Variants in SEPTIN7 observed in about 807,000 individuals in gnomAD.
SEPTIN7 encodes septin-7.
A neutral mutation model predicts 63.3 loss-of-function variants in SEPTIN7; 10 were observed. That is an observed-to-expected ratio of 0.16 (90% CI 0.10 to 0.27). The LOEUF (loss-of-function observed/expected upper bound fraction) is 0.27, where lower values mean the gene tolerates loss of function less well. Among genes scored for constraint, SEPTIN7 ranks in the 10% least tolerant of loss-of-function variants. The pLI is 1.00. For synonymous variants in SEPTIN7, 131 were observed against 165.3 expected (o/e 0.79, Z 1.59); for missense variants, 310 against 521.0 (o/e 0.59, Z 3.94).
chr7:35,850,543 A>G (rs1271430366), intron 3 of SEPTIN7, among the ~76,000 whole-genome samples: 2 of 152,212 alleles, frequency 1.3e-5, no homozygotes, highest in East Asian at 3.8e-4. Context: ...CAATTGCTAT[A>G]AAATGGTAAA....
At chr7:35,888,823 C>CAAA (rs70974780) in intron 10 of SEPTIN7, 3,481 of 186,832 alleles carry the variant, frequency 0.019, no homozygotes, top group South Asian at 0.033. Flanking sequence ...GACCCTGTAT[C>CAAA]AAAAAAAAAA....
intron 1 of SEPTIN7, among the ~76,000 whole-genome samples, chr7:35,828,836 C>CT (rs1217714472): frequency 6.6e-6 from 1 of 152,134 alleles, no homozygotes; most frequent in African/African-American, 2.4e-5. Flanking sequence ...TCACAGCTCA[C>CT]TGAAGCCTCA....
At chr7:35,813,728 A>G (rs1788880879) in intron 1 of SEPTIN7, among the ~76,000 whole-genome samples, 1 of 152,112 alleles carries the variant, frequency 6.6e-6, no homozygotes, top group Admixed American at 6.5e-5. Context: ...TTGAAGTCCT[A>G]TCATCTGTTA....
At chr7:35,869,829 T>C (rs1420299676) in intron 4 of SEPTIN7, among the ~76,000 whole-genome samples, 1 of 152,216 alleles carries the variant, frequency 6.6e-6, no homozygotes, top group African/African-American at 2.4e-5. Flanking sequence ...TTTAGTTTTA[T>C]TTATTTTTCA....
chr7:35,890,139 A>T (rs1787544720), intron 10 of SEPTIN7, among the ~76,000 whole-genome samples: 1 of 152,220 alleles, frequency 6.6e-6, no homozygotes, highest in Non-Finnish European at 1.5e-5. Flanking sequence ...GTAAGCAAAA[A>T]TTTGTTTAAC....
chr7:35,888,778 C>T (rs113593466), intron 10 of SEPTIN7: 1 of 276,926 alleles, frequency 3.6e-6, no homozygotes, highest in Non-Finnish European at 7.1e-6. Context: ...TGAGATCGTA[C>T]CACTGCATTC....
At chr7:35,817,233 T>C (rs182816931) in intron 1 of SEPTIN7, among the ~76,000 whole-genome samples, 1 of 152,178 alleles carries the variant, frequency 6.6e-6, no homozygotes, top group Admixed American at 6.5e-5. Flanking sequence ...TTTTTGTGTA[T>C]GGCGTGAGAT....
intron 1 of SEPTIN7, among the ~76,000 whole-genome samples, chr7:35,828,354 C>T (rs1312377607): frequency 1.3e-5 from 2 of 152,136 alleles, no homozygotes; most frequent in African/African-American, 4.8e-5. Flanking sequence ...TCTTTCTCTG[C>T]TCCAGGGCTT....
intron 12 of SEPTIN7, chr7:35,901,879 A>G (rs1788344145): frequency 6.6e-6 from 1 of 152,098 alleles, no homozygotes; most frequent in African/African-American, 2.4e-5. Context: ...GTTTGCTGTC[A>G]TCAGGAAGAT....
chr7:35,911,690 C>T (rs1788744256), downstream of SEPTIN7, among the ~76,000 whole-genome samples: 1 of 152,172 alleles, frequency 6.6e-6, no homozygotes, highest in African/African-American at 2.4e-5. Context: ...AGTATAGTGA[C>T]ACCTCAACCT....
rs150239042 is a variant in SEPTIN7 at position 35,812,691 on chromosome 7, T to TC, written c.61+11426dup. Reference sequence around the variant, plus strand: ...AGCTAAGATAAACAAAGGACCTTTTTCCCCCGTAGGGTAGTTTCCTCATTG... The same window carrying TC: ...AGCTAAGATAAACAAAGGACCTTTTTCCCCCCGTAGGGTAGTTTCCTCATTG... On this transcript the variant is annotated intron_variant, in intron 1 of 13. Transcript: ENST00000350320. 9.3e-3 allele frequency among the ~76,000 whole-genome samples: 1,421 copies of TC among 152,226 alleles called. 26 individuals are homozygous for TC. Among genetic ancestry groups the TC allele is most frequent in the African/African-American group, 0.033 (1,352 of 41,534 alleles).
intron 12 of SEPTIN7, chr7:35,899,153 A>G (rs943041947): frequency 2.0e-5 from 3 of 152,256 alleles, no homozygotes; most frequent in African/African-American, 7.2e-5. Context: ...TAGATGTCTG[A>G]GAATAGTAGA....
chr7:35,879,763 T>C (rs1291071128), intron 6 of SEPTIN7, 60 bp from the exon 7 acceptor site: 10 of 892,278 alleles, frequency 1.1e-5, no homozygotes, highest in Middle Eastern at 2.1e-4. Flanking sequence ...ATTGGGGATG[T>C]GAAGAATCTT....
intron 1 of SEPTIN7, among the ~76,000 whole-genome samples, chr7:35,809,099 G>T (rs1788539312): frequency 6.6e-6 from 1 of 152,154 alleles, no homozygotes; most frequent in African/African-American, 2.4e-5. Flanking sequence ...CATTAGTTTA[G>T]AACTTCAACA....
intron 3 of SEPTIN7, among the ~76,000 whole-genome samples, chr7:35,844,339 G>A (rs1478544832): frequency 6.6e-6 from 1 of 152,182 alleles, no homozygotes; most frequent in African/African-American, 2.4e-5. Flanking sequence ...ACTCACTATT[G>A]TGTTTAAATT....
At chr7:35,895,326 T>C (rs1787896016) in intron 11 of SEPTIN7, among the ~76,000 whole-genome samples, 1 of 152,170 alleles carries the variant, frequency 6.6e-6, no homozygotes, top group African/African-American at 2.4e-5. Context: ...AATATAAAAA[T>C]TAAAAATTTG....
At chr7:35,897,419 C>T (rs1355647724) in intron 11 of SEPTIN7, among the ~76,000 whole-genome samples, 2 of 152,046 alleles carry the variant, frequency 1.3e-5, no homozygotes, top group Non-Finnish European at 2.9e-5. Context: ...AACATAAAGC[C>T]CACCTGTAAA....
intron 11 of SEPTIN7, 95 bp from the exon 12 acceptor site, chr7:35,898,153 A>G: frequency 1.2e-6 from 1 of 842,850 alleles, no homozygotes; most frequent in Admixed American, 3.1e-5. Context: ...ATAGTGACAT[A>G]TAGCATCTGA....
intron 10 of SEPTIN7, among the ~76,000 whole-genome samples, chr7:35,886,404 C>T (rs79734119): frequency 4.3e-5 from 6 of 138,746 alleles, no homozygotes; most frequent in African/African-American, 1.6e-4. Flanking sequence ...AGCAGGACAT[C>T]GAGGCCATCC....
Sources: gnomAD v4.1 joint callset for allele counts (sites outside exome capture counted in the v4.1 genomes callset) on GRCh38, gnomAD v4.1.1 for gene constraint, MANE v1.5 for transcripts, NCBI Gene and HGNC (gene_info 2026-07-23, HGNC 2026-07-21) for gene names.